Variants in ENDOU observed in about 807,000 individuals in gnomAD.
ENDOU encodes endonuclease, poly(U) specific.
A neutral mutation model predicts 54.2 loss-of-function variants in ENDOU; 49 were observed. The observed-to-expected ratio is 0.90, with a 90% CI of 0.72 to 1.15. The LOEUF (loss-of-function observed/expected upper bound fraction) is 1.15, where lower values mean the gene tolerates loss of function less well. Among genes scored for constraint, ENDOU ranks in the 50% most tolerant of loss-of-function variants. ENDOU has a pLI of 0.00. For synonymous variants in ENDOU, 172 were observed against 190.5 expected (o/e 0.90, Z 0.80); for missense variants, 458 against 511.4 (o/e 0.90, Z 1.01).
Position 47,720,773 on chromosome 12 carries a change from T to C in ENDOU, c.158A>G (p.Asp53Gly). ...RCLWHGNCCE[D>G]YEHLCTEDHK... ...CTCACCAGTACACAGATGTTCATAG[T>C]CTTCACAGCAGTTCCCATGCCAGAG... Residue 53 changes from aspartate (D) to glycine (G), a missense_variant, in exon 2 of 10, where the codon GAC becomes GGC. Coordinates refer to ENST00000422538, the MANE Select transcript of ENDOU (RefSeq NM_001172439.2). The C allele has an allele frequency of 6.5e-7, 1 of 1,536,110 alleles. No homozygotes were observed. The highest frequency in any genetic ancestry group is 1.2e-5 in the South Asian group (1 of 84,058).
At position 47,710,997 on chromosome 12, in the gene ENDOU, A is replaced by G. The variant is rs994862315; in HGVS notation, c.1116-78T>C. 42 of 922,158 alleles carry G rather than the reference A, an allele frequency of 4.6e-5. No individual in the cohort carries two copies. The African/African-American group carries it at 5.1e-4, about 11-fold the overall frequency. 57.1% of individuals were successfully genotyped at this position (922,158 alleles called of 1,614,324 possible). On this transcript the variant is annotated intron_variant, in intron 9 of 9. Coordinates refer to ENST00000422538, the MANE Select transcript of ENDOU (RefSeq NM_001172439.2). ...CCCTGGGCTGGAAGGATCAAGCCCA[A>G]CTGAAGCAGAAGGGCTCCATTCTGC...
chr12:47,717,582 G>T lies in ENDOU; in HGVS notation c.318C>A (p.Cys106Ter). 6.2e-7 allele frequency: 1 copy of T among 1,614,164 alleles called. No homozygotes were observed. The highest frequency in any genetic ancestry group is 8.5e-7 in the Non-Finnish European group (1 of 1,180,022). Reference sequence around the variant, plus strand: ...TCCCAAACTCTTGGCAGCGGGCATTGCAGTGACATTGGTGGTGCTTGTCAA... The same window carrying T: ...TCCCAAACTCTTGGCAGCGGGCATTTCAGTGACATTGGTGGTGCTTGTCAA... ...EAFDKHHQCH[C>*]NARCQEFGNC... The change falls in exon 4 of 10, where the codon TGC becomes TGA. Residue 106 changes from cysteine (C) to a stop codon, truncating the protein, a stop_gained. Coordinates refer to ENST00000422538, the MANE Select transcript of ENDOU (RefSeq NM_001172439.2). LOFTEE classifies it high-confidence loss of function.
chr12:47,721,686 G>A (rs1236347200), intron 1 of ENDOU, among the ~76,000 whole-genome samples: 1 of 152,196 alleles, frequency 6.6e-6, no homozygotes, highest in Non-Finnish European at 1.5e-5. Flanking sequence ...ATCCCCCACT[G>A]CAGCCAAATG....
chr12:47,712,091 G>A (rs1254516457), intron 8 of ENDOU, among the ~76,000 whole-genome samples: 1 of 152,106 alleles, frequency 6.6e-6, no homozygotes, highest in Non-Finnish European at 1.5e-5. Flanking sequence ...GAGAAGGATC[G>A]TTTACTGCCC....
At chr12:47,711,529 C>T (rs568804740) in intron 9 of ENDOU, 104 bp downstream of exon 9, 2 of 1,354,636 alleles carry the variant, frequency 1.5e-6, no homozygotes, top group East Asian at 2.5e-5. Flanking sequence ...TGTCCAAGCC[C>T]TCTCAGCCTC....
rs1940014715 is a variant in ENDOU, at chr12:47,711,716, T to G, written c.1032A>C (p.Glu344Asp). The G allele has an allele frequency of 6.2e-7, 1 of 1,614,084 alleles. No individual in the cohort carries two copies. The highest frequency in any genetic ancestry group is 1.1e-5 in the South Asian group (1 of 91,090). The change falls in exon 9 of 10, where the codon GAA (glutamate) becomes GAC (aspartate). Residue 344 changes from glutamate to aspartate, a missense_variant. Physicochemically the swap from Glu to Asp is conservative, Grantham distance 45. Transcript: ENST00000422538. Reference protein sequence around the residue: ...MQFNWDGYYKEVGSAFIGSSP... With the variant: ...MQFNWDGYYKDVGSAFIGSSP... ...TGCTGCCGATGAAAGCAGAGCCCACTTCCTTATAGTAGCCGTCCCAGTTGA... is the reference window on the plus strand; with the variant it reads ...TGCTGCCGATGAAAGCAGAGCCCACGTCCTTATAGTAGCCGTCCCAGTTGA...
At chr12:47,717,302 C>CATG (rs1940283213) in intron 4 of ENDOU, among the ~76,000 whole-genome samples, 1 of 152,334 alleles carries the variant, frequency 6.6e-6, no homozygotes, top group Non-Finnish European at 1.5e-5. Flanking sequence ...CACGCTTGAG[C>CATG]ATGCATCAGA....
chr12:47,710,986 G>T, intron 9 of ENDOU, 67 bp from the exon 10 acceptor site: 1 of 1,072,304 alleles, frequency 9.3e-7, no homozygotes, highest in African/African-American at 1.6e-5. Context: ...GGGCTGGAAG[G>T]ATCAAGCCCA....
intron 1 of ENDOU, among the ~76,000 whole-genome samples, chr12:47,722,308 A>AC (rs1232917670): frequency 1.1e-4 from 17 of 152,146 alleles, no homozygotes; most frequent in African/African-American, 4.1e-4. Flanking sequence ...GAGGTCAAGA[A>AC]CCTAGACTCT....
chr12:47,711,872 G>T, intron 8 of ENDOU, 97 bp from the exon 9 acceptor site: 1 of 1,332,808 alleles, frequency 7.5e-7, no homozygotes, highest in Non-Finnish European at 1.1e-6. Flanking sequence ...TTTGTTGAGG[G>T]TCCATTAGGG....
chr12:47,711,878 TA>T, intron 8 of ENDOU, 103 bp from the exon 9 acceptor site: 3 of 1,295,510 alleles, frequency 2.3e-6, no homozygotes, highest in Non-Finnish European at 3.3e-6. Context: ...GAGGGTCCAT[TA>T]GGGGCCTGTG....
At chr12:47,720,561 A>C in intron 2 of ENDOU, 192 bp downstream of exon 2, 1 of 467,994 alleles carries the variant, frequency 2.1e-6, no homozygotes. Flanking sequence ...ACTGTATTTT[A>C]AGTTGGGGGC....
chr12:47,719,310 C>G (rs1940356814), intron 2 of ENDOU: 1 of 152,130 alleles, frequency 6.6e-6, no homozygotes, highest in Non-Finnish European at 1.5e-5. Context: ...GCAGAAAAGG[C>G]ATAGGCTCTG....
At chr12:47,714,514 C>G (rs1434102569) in intron 6 of ENDOU, among the ~76,000 whole-genome samples, 1 of 152,188 alleles carries the variant, frequency 6.6e-6, no homozygotes, top group Non-Finnish European at 1.5e-5. Context: ...GAGAGAGAAG[C>G]AGTAGGCCCA....
At chr12:47,713,185 A>C in intron 7 of ENDOU, 90 bp downstream of exon 7, 1 of 890,812 alleles carries the variant, frequency 1.1e-6, no homozygotes, top group Non-Finnish European at 1.9e-6. Context: ...TGGACTGCTG[A>C]TTAATCCACA....
At chr12:47,716,631 T>C in intron 5 of ENDOU, 132 bp from the exon 6 acceptor site, 1 of 790,530 alleles carries the variant, frequency 1.3e-6, no homozygotes, top group Non-Finnish European at 2.0e-6. Context: ...CTTCGGGTAC[T>C]CTTGAAAGTC....
intron 2 of ENDOU, chr12:47,719,591 T>G (rs1396977619): frequency 6.6e-6 from 1 of 152,126 alleles, no homozygotes; most frequent in African/African-American, 2.4e-5. Flanking sequence ...ATCTTATGGT[T>G]TTATAAAGTG....
chr12:47,716,793 G>T, intron 5 of ENDOU, 97 bp downstream of exon 5: 1 of 1,279,472 alleles, frequency 7.8e-7, no homozygotes, highest in South Asian at 1.3e-5. Context: ...CTCTCCCTTT[G>T]ATCGTGCCTG....
chr12:47,712,756 A>G, intron 7 of ENDOU, 134 bp from the exon 8 acceptor site: 1 of 655,980 alleles, frequency 1.5e-6, no homozygotes, highest in Admixed American at 2.5e-5. Context: ...CCTTGCTGTG[A>G]GTCCCCAGAG....
Sources: allele counts gnomAD v4.1 joint callset (sites outside exome capture counted in the v4.1 genomes callset), GRCh38; gene constraint gnomAD v4.1.1; transcripts MANE v1.5; gene names NCBI Gene and HGNC (gene_info 2026-07-23, HGNC 2026-07-21).